The following PPARG variants were observed in gnomAD, a reference collection of about 807,000 sequenced individuals.
The protein encoded by PPARG is peroxisome proliferator-activated receptor gamma.
Under a neutral mutation model 39.2 loss-of-function variants are expected in PPARG, and 17 were observed. The observed-to-expected ratio is 0.43, with a 90% CI of 0.30 to 0.65. The LOEUF is 0.65. Ranked by LOEUF, PPARG falls within the 30% of genes least tolerant of loss-of-function variation. The pLI, the probability that PPARG is intolerant of heterozygous loss-of-function variation, is 0.13. For missense variants in PPARG, 406 were observed against 585.9 expected (o/e 0.69, Z 3.17); for synonymous variants, 223 against 215.7 (o/e 1.03, Z -0.30).
chr3:12,397,375 CTTT>C (rs1211383093), intron 5 of PPARG, among the ~76,000 whole-genome samples: 1 of 132,010 alleles, frequency 7.6e-6, no homozygotes, highest in Non-Finnish European at 1.6e-5. Context: ...TAACCTATTC[CTTT>C]TTATTATTAT....
At chr3:12,348,028 A>G (rs1027285202) in intron 2 of PPARG, among the ~76,000 whole-genome samples, 1 of 152,240 alleles carries the variant, frequency 6.6e-6, no homozygotes, top group Non-Finnish European at 1.5e-5. Flanking sequence ...TATTTCACAC[A>G]AAAGAAAAAG....
chr3:12,370,951 G>A (rs577691995), intron 2 of PPARG, among the ~76,000 whole-genome samples: 5 of 152,248 alleles, frequency 3.3e-5, no homozygotes, highest in Admixed American at 6.5e-5. Context: ...TGTTTTAGGC[G>A]TAGTCCTGTT....
intron 2 of PPARG, among the ~76,000 whole-genome samples, chr3:12,338,248 C>T (rs2048072686): frequency 6.6e-6 from 1 of 152,164 alleles, no homozygotes; most frequent in African/African-American, 2.4e-5. Flanking sequence ...CAACATACAA[C>T]TTGTAATAAA....
intron 5 of PPARG, among the ~76,000 whole-genome samples, chr3:12,394,117 G>A (rs981663533): frequency 2.0e-5 from 3 of 152,074 alleles, no homozygotes; most frequent in Admixed American, 1.3e-4. Flanking sequence ...TCCAAGTCAA[G>A]GGTTGTATTT....
intron 6 of PPARG, among the ~76,000 whole-genome samples, chr3:12,416,155 G>C (rs188290485): frequency 2.0e-4 from 31 of 152,344 alleles, no homozygotes; most frequent in African/African-American, 6.7e-4. Context: ...AAGGCAGGCA[G>C]ATCACTTGAG....
At chr3:12,307,435 A>G (rs1196563384) in intron 1 of PPARG, among the ~76,000 whole-genome samples, 1 of 152,194 alleles carries the variant, frequency 6.6e-6, no homozygotes, top group Non-Finnish European at 1.5e-5. Flanking sequence ...TGACAGTACA[A>G]TAATCCCTTC....
intron 2 of PPARG, among the ~76,000 whole-genome samples, chr3:12,326,732 T>TA (rs67402367): frequency 0.39 from 58,457 of 148,258 alleles, 12,456 homozygotes; most frequent in African/African-American, 0.59. Flanking sequence ...GTGAGATATA[T>TA]AAAAAAAAAA....
intron 1 of PPARG, among the ~76,000 whole-genome samples, chr3:12,298,689 C>T (rs1439250354): frequency 6.6e-6 from 1 of 152,122 alleles, no homozygotes; most frequent in African/African-American, 2.4e-5. Context: ...ATGATTTCAT[C>T]CTTAATGATA....
chr3:12,365,214 G>A (rs1196107374), intron 2 of PPARG, among the ~76,000 whole-genome samples: 1 of 152,232 alleles, frequency 6.6e-6, no homozygotes, highest in Non-Finnish European at 1.5e-5. Flanking sequence ...CAGTTCACCT[G>A]CTGTGCAGCC....
chr3:12,426,000 TG>T (rs1401697780), intron 7 of PPARG, among the ~76,000 whole-genome samples: 1 of 152,158 alleles, frequency 6.6e-6, no homozygotes, highest in African/African-American at 2.4e-5. Context: ...TTGCCCACCC[TG>T]TCACCAGATG....
Position 12,416,905 on chromosome 3 carries a change from G to A in PPARG, c.931G>A (p.Asp311Asn). 2 of 1,614,070 alleles carry A rather than the reference G, an allele frequency of 1.2e-6. No individual in the cohort carries two copies. Among genetic ancestry groups the A allele is most frequent in the Non-Finnish European group, 1.7e-6 (2 of 1,180,020 alleles). ...TGGTTTTGTAAATCTTGACTTGAAC[G>A]ACCAAGTAACTCTCCTCAAATATGG... Reference protein sequence around the residue: ...IPGFVNLDLNDQVTLLKYGVH... With the variant: ...IPGFVNLDLNNQVTLLKYGVH... The change falls in exon 7 of 8, where the codon GAC (aspartate) becomes AAC (asparagine). Residue 311 changes from aspartate (D) to asparagine (N), a missense_variant. By Grantham distance (23) the Asp-to-Asn change is conservative. Transcript: ENST00000651735.
intron 2 of PPARG, among the ~76,000 whole-genome samples, chr3:12,321,038 T>C (rs1300232610): frequency 6.6e-6 from 1 of 152,202 alleles, no homozygotes; most frequent in Non-Finnish European, 1.5e-5. Flanking sequence ...AGTTTTCTCT[T>C]TTATGTTATA....
chr3:12,401,394 C>G (rs1322922941), intron 5 of PPARG, among the ~76,000 whole-genome samples: 4 of 152,256 alleles, frequency 2.6e-5, no homozygotes, highest in South Asian at 2.1e-4. Flanking sequence ...CCAGCCTGGT[C>G]TAGAACCCAC....
intron 2 of PPARG, among the ~76,000 whole-genome samples, chr3:12,360,428 A>G (rs752769858): frequency 2.0e-4 from 31 of 152,158 alleles, no homozygotes; most frequent in Non-Finnish European, 3.5e-4. Context: ...GTTTGTCTGC[A>G]TGTTTCCTTC....
intron 2 of PPARG, among the ~76,000 whole-genome samples, chr3:12,327,796 G>A (rs2047736511): frequency 6.6e-6 from 1 of 152,156 alleles, no homozygotes; most frequent in South Asian, 2.1e-4. Context: ...GCCAAGGATG[G>A]CACTTGCTTC....
At chr3:12,372,105 T>G in intron 2 of PPARG, 3 of 721,604 alleles carry the variant, frequency 4.2e-6, no homozygotes, top group Non-Finnish European at 7.8e-6. Context: ...TATGAAAGGC[T>G]TTTCAGGCAC....
intron 1 of PPARG, among the ~76,000 whole-genome samples, chr3:12,289,494 A>G (rs2046596207): frequency 6.6e-6 from 1 of 152,244 alleles, no homozygotes; most frequent in Non-Finnish European, 1.5e-5. Flanking sequence ...ATTTTGAAGT[A>G]CATTATTTTA....
intron 5 of PPARG, 38 bp downstream of exon 5, chr3:12,392,790 C>T (rs755651592): frequency 5.0e-6 from 8 of 1,611,908 alleles, no homozygotes; most frequent in South Asian, 2.2e-5. Context: ...TTATTATTCT[C>T]ATTATAGCTG....
At chr3:12,359,870 C>T (rs2048785390) in intron 2 of PPARG, among the ~76,000 whole-genome samples, 1 of 151,994 alleles carries the variant, frequency 6.6e-6, no homozygotes, top group Admixed American at 6.6e-5. Flanking sequence ...GACGGGGTTT[C>T]ACCATGTTGG....
Sources: gnomAD v4.1 joint callset for allele counts (sites outside exome capture counted in the v4.1 genomes callset) on GRCh38, gnomAD v4.1.1 for gene constraint, MANE v1.5 for transcripts, NCBI Gene and HGNC (gene_info 2026-07-23, HGNC 2026-07-21) for gene names.